Variants in RNF44 observed in about 807,000 individuals in gnomAD.
RNF44 encodes ring finger protein 44.
In RNF44, 25 loss-of-function variants were observed where a neutral mutation model predicts 53.6. The ratio of observed to expected loss-of-function variants is 0.47; its 90% CI spans 0.34 to 0.65. RNF44 has a LOEUF of 0.65. Among genes scored for constraint, RNF44 ranks in the 30% least tolerant of loss-of-function variants. RNF44 has a pLI of 0.01. For synonymous variants in RNF44, 282 were observed against 252.2 expected, an observed-to-expected ratio of 1.12 and a Z score of -1.12; for missense variants, 581 against 595.5, an observed-to-expected ratio of 0.98 and a Z score of 0.25.
At position 176,531,165 on chromosome 5, in the gene RNF44, C is replaced by G; in HGVS notation, c.466-144G>C. 1 of 654,148 alleles carries G rather than the reference C, an allele frequency of 1.5e-6. No individual in the cohort carries two copies. 40.5% of individuals were successfully genotyped at this position (654,148 alleles called of 1,614,324 possible). A position where few individuals can be genotyped will look rare whatever the true frequency, so the allele number is the denominator to read the frequency against. ...ATAAGAAACCCTGTGGAAGGCCCAT[C>G]CCTGTCCTAGGCCACCCAGGCAGGA... is the stretch of plus-strand genomic sequence containing the variant. On this transcript the variant is annotated intron_variant, in intron 4 of 10. Transcript: ENST00000274811. The surrounding 1 kb of genome is among the most constrained non-coding windows in gnomAD (Gnocchi z 4.2).
At chr5:176,537,771 G>A (rs571706808), upstream of RNF44, 1 of 152,354 alleles carries the variant, frequency 6.6e-6, no homozygotes, top group African/African-American at 2.4e-5. Context: ...TGCCGCCTGA[G>A]ATACTGAAGT....
In RNF44 at chr5:176,532,110, T is replaced by G. The variant is rs1756730977; in HGVS notation, c.191A>C (p.His64Pro). ...GGCTCGGCGCTCCTCTACGGGGAGG[T>G]GTGGAGGTCGGGACGGCGGCTGCTG... ...PSQQPPSRPP[H>P]LPVEERRASA... Residue 64 changes from histidine to proline, a missense_variant, in exon 3 of 11, where the codon CAC becomes CCC. Around this residue, in one of 3 missense-constraint regions of RNF44, gnomAD observed 387 missense variants for 366.0 expected, o/e 1.06. Transcript: ENST00000274811. The G allele has an allele frequency of 6.3e-7, 1 of 1,589,976 alleles. No homozygotes were observed. The highest frequency in any genetic ancestry group is 1.4e-5 in the African/African-American group (1 of 73,416).
rs1183023446 is a variant in RNF44 at position 176,532,572 on chromosome 5, GTC to G, written c.-44-58_-44-57del. 6 of 1,401,122 alleles carry G rather than the reference GTC, an allele frequency of 4.3e-6. No individual in the cohort carries two copies. The African/African-American group carries it at 7.2e-5, about 17-fold the overall frequency. The allele number at this position is 1,401,122 out of a possible 1,614,324, so 86.8% of individuals were successfully genotyped here. ...CACCTGGCCAACATGGTGAAACCTC[GTC>G]TCTGCTAAAAATACAAAAACTAGCC... On this transcript the variant is annotated intron_variant, in intron 1 of 10. Transcript: ENST00000274811.
chr5:176,536,745 G>A (rs932621447), intron 1 of RNF44, among the ~76,000 whole-genome samples, 195 bp downstream of exon 1: 5 of 151,750 alleles, frequency 3.3e-5, no homozygotes, highest in South Asian at 2.1e-4. Context: ...AGCTGCAGGA[G>A]AGGGGAGATA....
chr5:176,539,166 G>T (rs991779859), upstream of RNF44, among the ~76,000 whole-genome samples: 1 of 152,180 alleles, frequency 6.6e-6, no homozygotes, highest in Non-Finnish European at 1.5e-5. Context: ...GAACTGAGCC[G>T]GCTGTCGGCA....
Position 176,529,728 on chromosome 5 carries a change from G to T in RNF44, c.1014+3C>A. ...CACCTCCCAGCATGGGGCTCCATGG[G>T]ACCTCATAGTTCTCCATCTCCACAT... is the stretch of plus-strand genomic sequence containing the variant. On this transcript the variant is annotated splice_donor_region_variant and intron_variant, in intron 8 of 10. Transcript: ENST00000274811. The T allele has an allele frequency of 6.2e-7, 1 of 1,611,814 alleles. No homozygotes were observed. The highest frequency in any genetic ancestry group is 8.5e-7 in the Non-Finnish European group (1 of 1,178,946).
In RNF44 at chr5:176,529,635, T is replaced by G. The variant is rs778284931; in HGVS notation, c.1024A>C (p.Asn342His). Residue 342 changes from asparagine (N) to histidine (H), a missense_variant, in exon 9 of 11, where the codon AAC (asparagine) becomes CAC (histidine). By Grantham distance (68) the Asn-to-His change is moderately conservative. Coordinates refer to ENST00000274811, the MANE Select transcript of RNF44 (RefSeq NM_014901.5). Reference sequence around the variant, plus strand: ...GCATCTCCCAGCCGCTCGGCCAGGTTCAGGAGGGCCTGCATGCGGGCAGGA... The same window carrying G: ...GCATCTCCCAGCCGCTCGGCCAGGTGCAGGAGGGCCTGCATGCGGGCAGGA... ...VEMENYEALL[N>H]LAERLGDAKP... 1 of 1,613,782 alleles carries G rather than the reference T, an allele frequency of 6.2e-7. No individual in the cohort carries two copies.
At position 176,531,985 on chromosome 5, in the gene RNF44, G is replaced by A; in HGVS notation, c.297+19C>T. 1.9e-6 allele frequency: 3 copies of A among 1,598,610 alleles called. No homozygotes were observed. The highest frequency in any genetic ancestry group is 2.6e-6 in the Non-Finnish European group (3 of 1,172,772). On this transcript the variant is annotated intron_variant, in intron 3 of 10. Coordinates refer to ENST00000274811, the MANE Select transcript of RNF44 (RefSeq NM_014901.5). This position sits in a 1 kb window ranked among gnomAD's most constrained non-coding sequence, Gnocchi z 4.2. The stretch of plus-strand genomic sequence containing the variant: ...CTGGCTCACAGGGCCAGGGGCACAG[G>A]GGATGGGGTTCTGCCTACCTGCTCG...
Position 176,532,282 on chromosome 5 carries a change from G to T in RNF44, c.107+84C>A, listed in dbSNP as rs1015774423. 6 of 1,519,678 alleles carry T rather than the reference G, an allele frequency of 3.9e-6. No individual in the cohort carries two copies. In the African/African-American group the frequency reaches 8.3e-5, roughly 21 times the overall value. 94.1% of individuals were successfully genotyped at this position (1,519,678 alleles called of 1,614,324 possible). ...AGAAGCCAGGGTGACTCCCCCCATG[G>T]GGAGGGAAGGCAGCTCAGGGCCCTG... is the stretch of plus-strand genomic sequence containing the variant. On this transcript the variant is annotated intron_variant, in intron 2 of 10. Transcript: ENST00000274811.
At chr5:176,529,960 AG>A in intron 7 of RNF44, 121 bp downstream of exon 7, 1 of 1,391,566 alleles carries the variant, frequency 7.2e-7, no homozygotes, top group Non-Finnish European at 9.6e-7. Flanking sequence ...TGTCAGGTTA[AG>A]GGGGGAACGC....
upstream of RNF44, among the ~76,000 whole-genome samples, chr5:176,538,920 G>C (rs762183230): frequency 1.3e-5 from 2 of 152,162 alleles, no homozygotes; most frequent in Non-Finnish European, 2.9e-5. Flanking sequence ...GGGTCAGTAG[G>C]ATAGACTATT....
chr5:176,529,234 C>A, intron 10 of RNF44, 54 bp downstream of exon 10: 1 of 1,570,290 alleles, frequency 6.4e-7, no homozygotes, highest in Non-Finnish European at 8.8e-7. Context: ...CAGGCCAGCC[C>A]ATCCCCCCGT....
At chr5:176,543,098 G>A in the RNF44 span, among the ~76,000 whole-genome samples, 6 of 151,490 alleles carry the variant, frequency 4.0e-5, no homozygotes, top group Non-Finnish European at 5.9e-5. This position sits in a 1 kb window ranked among gnomAD's most constrained non-coding sequence, Gnocchi z 4.0. Flanking sequence ...AGCTCCCGCT[G>A]CCGGGCCCGG....
At position 176,537,232 on chromosome 5, in the gene RNF44, G is replaced by C. The variant is rs1757282176; in HGVS notation, c.-337C>G. 1 of 152,336 alleles carries C rather than the reference G, an allele frequency of 6.6e-6. No homozygotes were observed. The highest frequency in any genetic ancestry group is 6.5e-5 in the Admixed American group (1 of 15,290). 9.4% of individuals were successfully genotyped at this position (152,336 alleles called of 1,614,324 possible). A position where few individuals can be genotyped will look rare whatever the true frequency, so the allele number is the denominator to read the frequency against. On this transcript the variant is annotated 5_prime_UTR_variant, in exon 1 of 11. Coordinates refer to ENST00000274811, the MANE Select transcript of RNF44 (RefSeq NM_014901.5). Reference sequence around the variant, plus strand: ...GGCGGCGCAGGACGCAGCTGGGTCTGCGCGGCAGCCGGCGGCTGGCCCTTT... The same window carrying C: ...GGCGGCGCAGGACGCAGCTGGGTCTCCGCGGCAGCCGGCGGCTGGCCCTTT...
chr5:176,529,387 C>T lies in RNF44; in HGVS notation c.1137G>A (p.Leu379=), dbSNP rs116388298. ...CGAAGTCACTGAAGCAGACCACACACCTGTGGAGGGGCGCGGAGCGTCACC... is the reference window on the plus strand; with the variant it reads ...CGAAGTCACTGAAGCAGACCACACATCTGTGGAGGGGCGCGGAGCGTCACC... ...NPDSHQSEQT[L]CVVCFSDFEA... The change falls in exon 10 of 11, where the codon CTG becomes CTA. Residue 379 remains leucine (L), a splice_region_variant and synonymous_variant. Coordinates refer to ENST00000274811, the MANE Select transcript of RNF44 (RefSeq NM_014901.5). 2 of 1,611,244 alleles carry T rather than the reference C, an allele frequency of 1.2e-6. No homozygotes were observed. The highest frequency in any genetic ancestry group is 4.5e-5 in the East Asian group (2 of 44,842).
chr5:176,535,133 G>A (rs1182226545), intron 1 of RNF44, among the ~76,000 whole-genome samples: 1 of 152,202 alleles, frequency 6.6e-6, no homozygotes, highest in Admixed American at 6.5e-5. Flanking sequence ...ACACATGACA[G>A]TGACTTCTAG....
chr5:176,529,706 C>T (rs759686896), intron 8 of RNF44, 25 bp downstream of exon 8: 1 of 1,610,648 alleles, frequency 6.2e-7, no homozygotes, highest in Non-Finnish European at 8.5e-7. Flanking sequence ...CAAACCCCAC[C>T]TCCCAGCATG....
At chr5:176,533,439 C>G (rs1368260662) in intron 1 of RNF44, among the ~76,000 whole-genome samples, 1 of 152,184 alleles carries the variant, frequency 6.6e-6, no homozygotes, top group Admixed American at 6.5e-5. Flanking sequence ...GCCCAAAGCC[C>G]CACCGTAAAG....
At chr5:176,536,533 C>T (rs1220748265) in intron 1 of RNF44, among the ~76,000 whole-genome samples, 1 of 152,188 alleles carries the variant, frequency 6.6e-6, no homozygotes, top group East Asian at 1.9e-4. Flanking sequence ...GGGCCTCCCT[C>T]GTCCGCTTCC....
Sources: allele counts gnomAD v4.1 joint callset (sites outside exome capture counted in the v4.1 genomes callset), GRCh38; gene constraint gnomAD v4.1.1; regional missense constraint gnomAD v4.1.1; non-coding constraint Gnocchi (gnomAD v3.1); transcripts MANE v1.5; gene names NCBI Gene and HGNC (gene_info 2026-07-23, HGNC 2026-07-21).